The following TG variants were observed in gnomAD, a reference collection of about 807,000 sequenced individuals.
TG encodes thyroglobulin.
TG carries 270 observed loss-of-function variants against 324.7 expected under a neutral mutation model. The observed-to-expected ratio is 0.83, with a 90% CI of 0.75 to 0.92. The LOEUF is 0.92. Ranked by LOEUF, TG falls within the 40% of genes least tolerant of loss-of-function variation. The pLI is 0.00. For missense variants in TG, 3,591 were observed against 3,456.4 expected, an observed-to-expected ratio of 1.04 and a Z score of -0.98; for synonymous variants, 1,401 against 1,327.0, an observed-to-expected ratio of 1.06 and a Z score of -1.21.
chr8:132,910,537 G>C (rs1819365088), intron 18 of TG, among the ~76,000 whole-genome samples: 1 of 152,096 alleles, frequency 6.6e-6, no homozygotes, highest in Non-Finnish European at 1.5e-5. Context: ...AGGGAACTTT[G>C]TGTTAGGTCA....
intron 35 of TG, among the ~76,000 whole-genome samples, chr8:133,011,243 C>T (rs1523068): frequency 1.3e-5 from 2 of 151,882 alleles, no homozygotes; most frequent in African/African-American, 4.8e-5. Flanking sequence ...GGGTACGAAC[C>T]TTTATCTACC....
chr8:132,983,610 C>A, intron 35 of TG, 198 bp downstream of exon 35: 1 of 629,264 alleles, frequency 1.6e-6, no homozygotes, highest in Non-Finnish European at 2.9e-6. Context: ...AAAATTGACT[C>A]ACGGGAATGA....
At chr8:132,919,159 G>A (rs1036758007) in intron 20 of TG, among the ~76,000 whole-genome samples, 6 of 152,102 alleles carry the variant, frequency 3.9e-5, no homozygotes, top group Admixed American at 2.6e-4. Flanking sequence ...TCTCCTACAA[G>A]CATGTCACTT....
intron 41 of TG, among the ~76,000 whole-genome samples, chr8:133,040,592 C>T (rs927026401): frequency 1.3e-5 from 2 of 152,040 alleles, no homozygotes; most frequent in African/African-American, 4.8e-5. Context: ...CAGCGCTGAT[C>T]CCCCCAGTTG....
chr8:133,060,405 C>T (rs1337906360), intron 41 of TG: 2 of 1,509,884 alleles, frequency 1.3e-6, no homozygotes, highest in Non-Finnish European at 1.8e-6. Context: ...GACAGAAAAA[C>T]CACAGAGAGG....
rs1815438013 is a variant in TG at position 132,886,477 on chromosome 8, C to G, written c.1105C>G (p.Gln369Glu). ...AEGQSCASER[Q>E]QALSRLYFGT... ...AGGCCAATCTTGTGCCTCCGAAAGGCAGCAGGCCTTGTCCAGACTCTACTT... is the reference window on the plus strand; with the variant it reads ...AGGCCAATCTTGTGCCTCCGAAAGGGAGCAGGCCTTGTCCAGACTCTACTT... The change falls in exon 9 of 48, where the codon CAG (glutamine) becomes GAG (glutamate). Residue 369 changes from glutamine (Q) to glutamate (E), a missense_variant. By Grantham distance (29) the Gln-to-Glu change is conservative. Transcript: ENST00000220616. 1 of 1,614,070 alleles carries G rather than the reference C, an allele frequency of 6.2e-7. No individual in the cohort carries two copies. Among genetic ancestry groups the G allele is most frequent in the African/African-American group, 1.3e-5 (1 of 74,926 alleles).
At chr8:133,122,825 A>G (rs978056230) in intron 45 of TG, among the ~76,000 whole-genome samples, 1 of 152,172 alleles carries the variant, frequency 6.6e-6, no homozygotes, top group Admixed American at 6.5e-5. Flanking sequence ...AAAACTCACC[A>G]GCTTTCTCCT....
chr8:133,045,374 T>C (rs1034295850), intron 41 of TG, among the ~76,000 whole-genome samples: 4 of 151,456 alleles, frequency 2.6e-5, no homozygotes, highest in Non-Finnish European at 4.4e-5. Flanking sequence ...GAACACAGGT[T>C]TCATCCTCTT....
At chr8:132,987,721 G>GGTGT (rs71276508) in intron 35 of TG, among the ~76,000 whole-genome samples, 3,160 of 149,842 alleles carry the variant, frequency 0.021, 85 homozygotes, top group African/African-American at 0.071. Context: ...GTGTGTGTGT[G>GGTGT]GTGTGTGTGT....
chr8:133,045,628 C>A (rs939290964), intron 41 of TG, among the ~76,000 whole-genome samples: 1 of 152,098 alleles, frequency 6.6e-6, no homozygotes, highest in African/African-American at 2.4e-5. Context: ...CTCCTGGACT[C>A]AAGTGATCCG....
At chr8:133,075,244 A>C (rs1844679902) in intron 41 of TG, 1 of 479,120 alleles carries the variant, frequency 2.1e-6, no homozygotes, top group Admixed American at 6.4e-5. Context: ...ATTAAAAGGC[A>C]AATCAATGGG....
chr8:133,134,890 A>C lies in TG; in HGVS notation c.*96A>C, dbSNP rs544385940. 1.1e-5 allele frequency: 10 copies of C among 931,162 alleles called. No individual in the cohort carries two copies. The highest frequency in any genetic ancestry group is 7.3e-5 in the Admixed American group (4 of 54,576). 57.7% of individuals were successfully genotyped at this position (931,162 alleles called of 1,614,324 possible). Reference sequence around the variant, plus strand: ...CACTTACCTTCAATAAAGTATCTACATGCGGTGAAGCATTGTTGACTCTAA... The same window carrying C: ...CACTTACCTTCAATAAAGTATCTACCTGCGGTGAAGCATTGTTGACTCTAA... On this transcript the variant is annotated 3_prime_UTR_variant, in exon 48 of 48. Coordinates refer to ENST00000220616, the MANE Select transcript of TG (RefSeq NM_003235.5).
intron 31 of TG, among the ~76,000 whole-genome samples, 172 bp from the exon 32 acceptor site, chr8:132,969,286 G>A (rs1182318475): frequency 6.6e-6 from 1 of 152,018 alleles, no homozygotes; most frequent in Non-Finnish European, 1.5e-5. Flanking sequence ...CTTTGTCCCT[G>A]TGGACTTGCC....
intron 5 of TG, among the ~76,000 whole-genome samples, chr8:132,878,953 T>C (rs993875646): frequency 6.6e-6 from 1 of 152,180 alleles, no homozygotes; most frequent in Admixed American, 6.5e-5. Context: ...TCATCAGGGC[T>C]TTGGGTTCGG....
Position 132,882,487 on chromosome 8 carries a change from A to G in TG, c.764A>G (p.Asp255Gly). Residue 255 changes from aspartate (D) to glycine (G), a missense_variant, in exon 7 of 48, where the codon GAT (aspartate) becomes GGT (glycine). Asp to Gly is a moderately conservative substitution (Grantham distance 94). Transcript: ENST00000220616. Reference sequence around the variant, plus strand: ...TGCTCAGGTTTGGAGTTGTTACTGGATGAAATTTATGACACCATTTTTGCT... The same window carrying G: ...TGCTCAGGTTTGGAGTTGTTACTGGGTGAAATTTATGACACCATTTTTGCT... ...LAETGLELLL[D>G]EIYDTIFAGL... The G allele has an allele frequency of 6.2e-7, 1 of 1,614,170 alleles. No homozygotes were observed. Among genetic ancestry groups the G allele is most frequent in the Non-Finnish European group, 8.5e-7 (1 of 1,180,034 alleles).
At chr8:133,015,947 C>G (rs1314702981) in intron 37 of TG, among the ~76,000 whole-genome samples, 1 of 152,054 alleles carries the variant, frequency 6.6e-6, no homozygotes, top group Non-Finnish European at 1.5e-5. Context: ...TTTTCTCTCC[C>G]TGTGTCCCCC....
intron 5 of TG, among the ~76,000 whole-genome samples, chr8:132,881,161 A>C (rs1814590097): frequency 2.0e-5 from 3 of 152,342 alleles, no homozygotes; most frequent in African/African-American, 7.2e-5. Flanking sequence ...GAACTCCTCA[A>C]TATGGCTTTT....
chr8:133,124,465 CA>C (rs1476134081), intron 45 of TG, among the ~76,000 whole-genome samples: 1 of 152,176 alleles, frequency 6.6e-6, no homozygotes, highest in Non-Finnish European at 1.5e-5. Context: ...AGTGAAACAG[CA>C]CATCCTTTGA....
chr8:133,110,942 T>C (rs1433638031), intron 43 of TG, among the ~76,000 whole-genome samples: 1 of 152,192 alleles, frequency 6.6e-6, no homozygotes, highest in Non-Finnish European at 1.5e-5. Flanking sequence ...GTTCACTTCA[T>C]CTTCACAGGA....
Sources: gnomAD v4.1 joint callset for allele counts (sites outside exome capture counted in the v4.1 genomes callset) on GRCh38, gnomAD v4.1.1 for gene constraint, MANE v1.5 for transcripts, NCBI Gene and HGNC (gene_info 2026-07-23, HGNC 2026-07-21) for gene names.